EXOC4: variants seen among roughly 807,000 people sequenced by gnomAD.
The protein encoded by EXOC4 is SEC8-like 1.
In EXOC4, 71 loss-of-function variants were observed where a neutral mutation model predicts 107.2. The ratio of observed to expected loss-of-function variants is 0.66; its 90% confidence interval spans 0.55 to 0.81. The LOEUF is 0.81. Ranked by LOEUF, EXOC4 falls within the 30% of genes least tolerant of loss-of-function variation. EXOC4 has a pLI of 0.00. For synonymous variants in EXOC4, 456 were observed against 441.2 expected (o/e 1.03, Z -0.42); for missense variants, 1,108 against 1,189.6 (o/e 0.93, Z 1.01).
At chr7:133,462,124 A>G (rs1798607881) in intron 7 of EXOC4, among the ~76,000 whole-genome samples, 1 of 152,146 alleles carries the variant, frequency 6.6e-6, no homozygotes, top group East Asian at 1.9e-4. Context: ...TTGTAAACAT[A>G]TTTTACAATT....
intron 10 of EXOC4, among the ~76,000 whole-genome samples, chr7:133,683,114 AC>A (rs1410238660): frequency 1.3e-5 from 2 of 151,862 alleles, no homozygotes; most frequent in East Asian, 3.9e-4. Flanking sequence ...CTGGTCTTTT[AC>A]CCCTCTCTTT....
intron 10 of EXOC4, among the ~76,000 whole-genome samples, chr7:133,767,490 G>A (rs560602855): frequency 1.3e-5 from 2 of 151,860 alleles, no homozygotes; most frequent in African/African-American, 4.8e-5. Context: ...TGTTTTATAT[G>A]TACCATGTAC....
intron 11 of EXOC4, among the ~76,000 whole-genome samples, chr7:133,860,794 A>G (rs1585205790): frequency 6.6e-6 from 1 of 152,344 alleles, no homozygotes; most frequent in South Asian, 2.1e-4. Flanking sequence ...AAACTTTAAA[A>G]GCAATTCCAC....
At chr7:133,990,275 C>G (rs892012700) in intron 14 of EXOC4, among the ~76,000 whole-genome samples, 4 of 147,048 alleles carry the variant, frequency 2.7e-5, no homozygotes, top group South Asian at 2.2e-4. Flanking sequence ...CCCTCCCCCC[C>G]CCACCCCTTT....
intron 12 of EXOC4, among the ~76,000 whole-genome samples, chr7:133,897,971 A>G (rs1331833668): frequency 2.6e-5 from 4 of 152,016 alleles, no homozygotes; most frequent in Non-Finnish European, 5.9e-5. Context: ...GAAACTTTGT[A>G]TGGTTTGAGC....
At chr7:134,074,795 T>C in the EXOC4 span, among the ~76,000 whole-genome samples, 2 of 152,198 alleles carry the variant, frequency 1.3e-5, no homozygotes, top group Non-Finnish European at 2.9e-5. Context: ...GAATCCACTA[T>C]GGAGTATCGT....
At chr7:133,334,456 A>G (rs1410902506) in intron 5 of EXOC4, among the ~76,000 whole-genome samples, 2 of 152,146 alleles carry the variant, frequency 1.3e-5, no homozygotes, top group Non-Finnish European at 2.9e-5. Flanking sequence ...ATCATTCTGT[A>G]TTAGTTCATG....
intron 6 of EXOC4, among the ~76,000 whole-genome samples, chr7:133,372,663 A>G (rs1290998515): frequency 6.6e-6 from 1 of 152,084 alleles, no homozygotes; most frequent in African/African-American, 2.4e-5. Flanking sequence ...AGATAACAGC[A>G]CCCCTAACAA....
chr7:133,447,252 C>T (rs1798240990), intron 7 of EXOC4: 1 of 152,088 alleles, frequency 6.6e-6, no homozygotes, highest in South Asian at 2.1e-4. Flanking sequence ...TTCTGTTACA[C>T]ATTGTTTTAG....
chr7:133,371,175 G>A (rs1796368629), intron 6 of EXOC4, among the ~76,000 whole-genome samples: 1 of 152,110 alleles, frequency 6.6e-6, no homozygotes, highest in Non-Finnish European at 1.5e-5. Flanking sequence ...CCTCTTCAGT[G>A]CTAGAGAGGT....
chr7:134,053,216 C>T (rs1335362845), intron 17 of EXOC4, among the ~76,000 whole-genome samples: 1 of 146,332 alleles, frequency 6.8e-6, no homozygotes, highest in African/African-American at 2.6e-5. Flanking sequence ...CCAGCCTGGA[C>T]GACAGAGCGA....
At chr7:133,764,583 A>T (rs1796098357) in intron 10 of EXOC4, among the ~76,000 whole-genome samples, 1 of 152,068 alleles carries the variant, frequency 6.6e-6, no homozygotes, top group African/African-American at 2.4e-5. Context: ...TAATCCCAGA[A>T]GAGTGAATTA....
chr7:133,887,867 C>T (rs1024094622), intron 11 of EXOC4, among the ~76,000 whole-genome samples: 6 of 152,106 alleles, frequency 3.9e-5, no homozygotes, highest in Non-Finnish European at 8.8e-5. Context: ...TTCTTCTTAG[C>T]GTAGGGACGT....
At chr7:133,596,548 T>A (rs1258693770) in intron 9 of EXOC4, among the ~76,000 whole-genome samples, 2 of 152,184 alleles carry the variant, frequency 1.3e-5, no homozygotes, top group Non-Finnish European at 2.9e-5. Flanking sequence ...GTAGAGAAAT[T>A]CACTCTTCCC....
chr7:133,380,602 CTTTATTTT>C lies in EXOC4; in HGVS notation c.1182+5610_1182+5617del, dbSNP rs1052239351. Among the ~76,000 whole-genome samples, 157 of 152,088 alleles carry C rather than the reference CTTTATTTT, an allele frequency of 1.0e-3. 1 individual carries two copies. The highest frequency in any genetic ancestry group is 6.8e-3 in the Middle Eastern group (2 of 294). The stretch of plus-strand genomic sequence containing the variant: ...CTTATTTTTATCATAGATCTATGAT[CTTTATTTT>C]TTTATTTTTCTAAAATATGGGTCCT... On this transcript the variant is annotated intron_variant, in intron 7 of 17. Transcript: ENST00000253861.
intron 14 of EXOC4, among the ~76,000 whole-genome samples, chr7:133,970,909 T>G (rs909749024): frequency 1.3e-5 from 2 of 152,102 alleles, no homozygotes; most frequent in Non-Finnish European, 2.9e-5. Context: ...TGCCTTCCTT[T>G]TCTTCATCTA....
intron 10 of EXOC4, among the ~76,000 whole-genome samples, chr7:133,775,423 G>A (rs374487824): frequency 6.6e-6 from 1 of 152,180 alleles, no homozygotes; most frequent in East Asian, 1.9e-4. Flanking sequence ...GGTGATCTGC[G>A]AACACGTGAC....
intron 11 of EXOC4, among the ~76,000 whole-genome samples, chr7:133,869,376 G>C (rs1042639821): frequency 6.6e-6 from 1 of 151,994 alleles, no homozygotes; most frequent in Non-Finnish European, 1.5e-5. Context: ...TGTTCTCTTG[G>C]GCAAAGAACT....
chr7:133,377,236 C>G, intron 7 of EXOC4, among the ~76,000 whole-genome samples: 1 of 152,222 alleles, frequency 6.6e-6, no homozygotes, highest in South Asian at 2.1e-4. Context: ...CACCTGTAAT[C>G]CCAGCTACTC....
Sources: gnomAD v4.1 joint callset for allele counts (sites outside exome capture counted in the v4.1 genomes callset) on GRCh38, gnomAD v4.1.1 for gene constraint, MANE v1.5 for transcripts, NCBI Gene and HGNC (gene_info 2026-07-23, HGNC 2026-07-21) for gene names.